IFT140: variants seen among roughly 807,000 people sequenced by gnomAD.
IFT140 encodes the protein intraflagellar transport protein 140 homolog.
A neutral mutation model predicts 164.6 loss-of-function variants in IFT140; 133 were observed. The observed-to-expected ratio is 0.81, with a 90% CI of 0.70 to 0.93. IFT140 has a LOEUF of 0.93. IFT140 is among the 40% of genes least tolerant of loss of function. The probability of loss-of-function intolerance (pLI) is 0.00; values close to 1 mark genes in which losing one functional copy is unlikely to be tolerated. For missense variants in IFT140, 2,045 were observed against 1,972.3 expected, an observed-to-expected ratio of 1.04 and a Z score of -0.70; for synonymous variants, 860 against 817.3, an observed-to-expected ratio of 1.05 and a Z score of -0.89.
At chr16:1,579,968 A>AAC (rs2034471783) in intron 13 of IFT140, among the ~76,000 whole-genome samples, 1 of 151,558 alleles carries the variant, frequency 6.6e-6, no homozygotes, top group Non-Finnish European at 1.5e-5. Context: ...CATCTCAAAA[A>AAC]AAAAAAAAAA....
chr16:1,524,035 G>T (rs993856331), intron 24 of IFT140, 79 bp from the exon 25 acceptor site: 17 of 1,540,042 alleles, frequency 1.1e-5, no homozygotes, highest in Non-Finnish European at 1.4e-5. Context: ...ATGTGGCCGG[G>T]TGCGAACCCG....
At chr16:1,538,967 C>T (rs1268241046) in intron 19 of IFT140, among the ~76,000 whole-genome samples, 1 of 152,156 alleles carries the variant, frequency 6.6e-6, no homozygotes, top group Admixed American at 6.5e-5. Flanking sequence ...GGCAAAAGCG[C>T]CCCCTACCTC....
chr16:1,517,305 G>T (rs1032964377), intron 30 of IFT140, among the ~76,000 whole-genome samples: 3 of 150,344 alleles, frequency 2.0e-5, no homozygotes, highest in African/African-American at 4.9e-5. Context: ...AGCCGAGATC[G>T]CGCCACTGCG....
rs568075074 is a variant in IFT140, at chr16:1,580,788, A to G, written c.1495T>C (p.Ser499Pro). ...CAGGTTCGAACTTGAACTCGGTTTG[A>G]CTCCACCGTGTAAACGTTTTCTTCA... The part of the protein sequence containing the change: ...MHEENVYTVE[S>P]NRVQVRTWQG... The change falls in exon 13 of 31, where the codon TCA becomes CCA. Residue 499 changes from serine to proline, a missense_variant. Transcript: ENST00000426508. The G allele has an allele frequency of 1.9e-6, 3 of 1,613,800 alleles. No homozygotes were observed. Among genetic ancestry groups the G allele is most frequent in the Non-Finnish European group, 2.5e-6 (3 of 1,179,852 alleles).
rs2030703424 is a variant in IFT140, at chr16:1,533,316, G to A, written c.2400-6520C>T. 6.6e-6 allele frequency: 1 copy of A among 151,146 alleles called. No individual in the cohort carries two copies. Among genetic ancestry groups the A allele is most frequent in the Non-Finnish European group, 1.5e-5 (1 of 67,808 alleles). The allele number at this position is 151,146 out of a possible 1,614,324, so 9.4% of individuals were successfully genotyped here. ...CGGGGGGAGGCTTGTGGTTCCTATG[G>A]TCCTGGGGGTACCTATGGTCCTGGG... On this transcript the variant is annotated intron_variant, in intron 19 of 30. Coordinates refer to ENST00000426508, the MANE Select transcript of IFT140 (RefSeq NM_014714.4). This position sits in a 1 kb window ranked among gnomAD's most constrained non-coding sequence, Gnocchi z 4.7.
At chr16:1,598,149 G>A (rs541287523) in intron 4 of IFT140, among the ~76,000 whole-genome samples, 32 of 152,220 alleles carry the variant, frequency 2.1e-4, no homozygotes, top group East Asian at 5.8e-4. Flanking sequence ...AAAACTTGGC[G>A]AATAATATGA....
At chr16:1,587,607 C>T (rs1460842392) in intron 8 of IFT140, among the ~76,000 whole-genome samples, 2 of 152,200 alleles carry the variant, frequency 1.3e-5, no homozygotes, top group Non-Finnish European at 2.9e-5. Context: ...GCTAACGCAG[C>T]AGGCAGCAGA....
chr16:1,536,857 C>T (rs1224571310), intron 19 of IFT140, among the ~76,000 whole-genome samples: 1 of 152,246 alleles, frequency 6.6e-6, no homozygotes, highest in Non-Finnish European at 1.5e-5. Flanking sequence ...TTCGCTGCCC[C>T]CACTCACGTG....
At chr16:1,521,408 G>C (rs1258064155) in intron 26 of IFT140, among the ~76,000 whole-genome samples, 1 of 149,628 alleles carries the variant, frequency 6.7e-6, no homozygotes, top group East Asian at 2.0e-4. Context: ...TTTTTTCTGA[G>C]GTGGGGTTTT....
chr16:1,527,638 C>T (rs954265045), intron 19 of IFT140, among the ~76,000 whole-genome samples: 2 of 152,218 alleles, frequency 1.3e-5, no homozygotes, highest in African/African-American at 4.8e-5. Context: ...GTGGCACAAT[C>T]ACAGCTCATT....
At chr16:1,606,913 C>T (rs2036095712) in intron 3 of IFT140, among the ~76,000 whole-genome samples, 2 of 151,952 alleles carry the variant, frequency 1.3e-5, no homozygotes, top group African/African-American at 4.8e-5. Context: ...CATATGCACA[C>T]ACCCACGTGT....
At chr16:1,582,542 A>G (rs1596406249) in intron 12 of IFT140, among the ~76,000 whole-genome samples, 1 of 152,254 alleles carries the variant, frequency 6.6e-6, no homozygotes. Context: ...GAAGCCACCA[A>G]GTTTGTGGTC....
chr16:1,579,762 C>T (rs530288310), intron 13 of IFT140, among the ~76,000 whole-genome samples: 2 of 152,154 alleles, frequency 1.3e-5, no homozygotes, highest in African/African-American at 4.8e-5. Context: ...GTCAGGAGTT[C>T]GAGATCAGCC....
intron 13 of IFT140, among the ~76,000 whole-genome samples, chr16:1,573,261 C>T (rs901080809): frequency 5.3e-5 from 8 of 152,230 alleles, no homozygotes; most frequent in South Asian, 4.1e-4. Flanking sequence ...AGCGGACTAG[C>T]TGATGGGGCC....
rs772603273 is a variant in IFT140 at position 1,564,101 on chromosome 16, G to A, written c.1963C>T (p.Gln655Ter). Residue 655 changes from glutamine to a stop codon, truncating the protein, a stop_gained, in exon 17 of 31, where the codon CAG becomes TAG. Coordinates refer to ENST00000426508, the MANE Select transcript of IFT140 (RefSeq NM_014714.4). LOFTEE classifies it high-confidence loss of function. This position sits in a 1 kb window ranked among gnomAD's most constrained non-coding sequence, Gnocchi z 5.5. Reference sequence around the variant, plus strand: ...CATACAAACAGCCGGGGCTCACTCTGGTCCCAGAAGTGGTTCACGGGAACA... The same window carrying A: ...CATACAAACAGCCGGGGCTCACTCTAGTCCCAGAAGTGGTTCACGGGAACA... ...NYVPVNHFWDQSEPRLFVCEA... is the reference protein window; with the variant it reads ...NYVPVNHFWD The A allele has an allele frequency of 6.3e-7, 1 of 1,599,478 alleles. No homozygotes were observed. The highest frequency in any genetic ancestry group is 8.6e-7 in the Non-Finnish European group (1 of 1,168,898).
intron 1 of IFT140, among the ~76,000 whole-genome samples, chr16:1,611,586 G>C (rs1213069861): frequency 1.3e-5 from 2 of 151,910 alleles, no homozygotes; most frequent in Non-Finnish European, 1.5e-5. Context: ...AGGCTGAGAC[G>C]AGCGGATCAC....
intron 26 of IFT140, among the ~76,000 whole-genome samples, chr16:1,521,303 C>G (rs1424213048): frequency 1.3e-5 from 2 of 152,080 alleles, no homozygotes; most frequent in Non-Finnish European, 2.9e-5. Context: ...TGGGCTCAAG[C>G]AATCCGCCTG....
intron 19 of IFT140, among the ~76,000 whole-genome samples, chr16:1,528,367 A>G (rs973080760): frequency 3.3e-5 from 5 of 150,626 alleles, no homozygotes; most frequent in African/African-American, 1.2e-4. Context: ...GTGTGCACAC[A>G]CACGCATGCA....
At chr16:1,566,837 C>T (rs77486198) in intron 15 of IFT140, among the ~76,000 whole-genome samples, 8,004 of 152,220 alleles carry the variant, frequency 0.053, 439 homozygotes, top group Admixed American at 0.17. Context: ...TGGCTGCCTC[C>T]TTCTCCCAGT....
Sources: gnomAD v4.1 joint callset for allele counts (sites outside exome capture counted in the v4.1 genomes callset) on GRCh38, gnomAD v4.1.1 for gene constraint, Gnocchi (gnomAD v3.1) non-coding constraint, MANE v1.5 for transcripts, NCBI Gene and HGNC (gene_info 2026-07-23, HGNC 2026-07-21) for gene names.